Variants in OVGP1 observed in about 807,000 individuals in gnomAD.
OVGP1 encodes the protein oviduct-specific glycoprotein.
In OVGP1, 26 loss-of-function variants were observed where a neutral mutation model predicts 48.2. That is an observed-to-expected ratio of 0.54 (90% CI 0.40 to 0.75). The LOEUF (loss-of-function observed/expected upper bound fraction) is 0.75, where lower values mean the gene tolerates loss of function less well. OVGP1 is among the 30% of genes least tolerant of loss of function. The pLI is 0.00. For missense variants in OVGP1, 791 were observed against 820.6 expected, an observed-to-expected ratio of 0.96 and a Z score of 0.44; for synonymous variants, 294 against 305.7, an observed-to-expected ratio of 0.96 and a Z score of 0.40.
chr1:111,422,954 G>A lies in OVGP1; in HGVS notation c.581C>T (p.Thr194Ile), dbSNP rs748353157. 5.0e-6 allele frequency: 8 copies of A among 1,614,192 alleles called. No homozygotes were observed. The Admixed American group carries it at 1.3e-4, about 27-fold the overall frequency. The change falls in exon 6 of 11, where the codon ACA becomes ATA. Residue 194 changes from threonine (T) to isoleucine (I), a missense_variant. Transcript: ENST00000369732. Reference sequence around the variant, plus strand: ...TCCTAGAAAGCGCACATCATAGGATGTTTGGACGATGTGTGGGACCCCAGA... The same window carrying A: ...TCCTAGAAAGCGCACATCATAGGATATTTGGACGATGTGTGGGACCCCAGA... ...AVSGVPHIVQ[T>I]SYDVRFLGRL...
chr1:111,426,332 G>T (rs923532865), intron 3 of OVGP1, 105 bp downstream of exon 3: 16 of 1,510,318 alleles, frequency 1.1e-5, no homozygotes, highest in Non-Finnish European at 9.9e-6. Flanking sequence ...AGGAAGGTAG[G>T]ACTGGAAGAA....
At chr1:111,425,730 T>C (rs1652383441) in intron 3 of OVGP1, among the ~76,000 whole-genome samples, 2 of 152,142 alleles carry the variant, frequency 1.3e-5, no homozygotes, top group Admixed American at 1.3e-4. Flanking sequence ...AAAAGAGCAG[T>C]CTAAAATGTT....
At chr1:111,421,194 C>A in intron 8 of OVGP1, 82 bp downstream of exon 8, 2 of 1,305,258 alleles carry the variant, frequency 1.5e-6, no homozygotes, top group Admixed American at 2.3e-5. Flanking sequence ...CTCACCCTTG[C>A]CATTGCCCCT....
chr1:111,414,834 G>A lies in OVGP1; in HGVS notation c.1667C>T (p.Thr556Ile), dbSNP rs1232782193. The change falls in exon 11 of 11, where the codon ACC (threonine) becomes ATC (isoleucine). Residue 556 changes from threonine (T) to isoleucine (I), a missense_variant. Coordinates refer to ENST00000369732, the MANE Select transcript of OVGP1 (RefSeq NM_002557.4). ...TMTPVHFQTE[T>I]LRQNTVAPRR... is the part of the protein sequence containing the mutation. ...AGGGGCCACTGTATTCTGTCTAAGGGTCTCAGTCTGAAAATGGACAGGGGT... is the reference window on the plus strand; with the variant it reads ...AGGGGCCACTGTATTCTGTCTAAGGATCTCAGTCTGAAAATGGACAGGGGT... 2 of 1,594,242 alleles carry A rather than the reference G, an allele frequency of 1.3e-6. No homozygotes were observed. Among genetic ancestry groups the A allele is most frequent in the Non-Finnish European group, 1.7e-6 (2 of 1,166,964 alleles).
At chr1:111,426,291 A>G in intron 3 of OVGP1, 146 bp downstream of exon 3, 1 of 1,070,828 alleles carries the variant, frequency 9.3e-7, no homozygotes, top group Non-Finnish European at 1.3e-6. Flanking sequence ...AGGAGTTCTC[A>G]AGTTGGGGGT....
At chr1:111,422,318 G>A (rs746168503) in intron 6 of OVGP1, among the ~76,000 whole-genome samples, 20 of 152,116 alleles carry the variant, frequency 1.3e-4, no homozygotes, top group Non-Finnish European at 2.9e-4. Context: ...CAATTCTCTA[G>A]CACACTCATA....
chr1:111,424,434 T>C (rs1193021835), intron 4 of OVGP1, among the ~76,000 whole-genome samples: 1 of 152,226 alleles, frequency 6.6e-6, no homozygotes, highest in Non-Finnish European at 1.5e-5. Flanking sequence ...CATAAATAGA[T>C]CTGGGTTCCA....
Position 111,427,102 on chromosome 1 carries a change from CAAAG to C in OVGP1, c.26-15_26-12del, listed in dbSNP as rs1652418912. 1 of 1,614,046 alleles carries C rather than the reference CAAAG, an allele frequency of 6.2e-7. No homozygotes were observed. Among genetic ancestry groups the C allele is most frequent in the Non-Finnish European group, 8.5e-7 (1 of 1,179,994 alleles). On this transcript the variant is annotated splice_polypyrimidine_tract_variant and intron_variant, in intron 1 of 10. Coordinates refer to ENST00000369732, the MANE Select transcript of OVGP1 (RefSeq NM_002557.4). The stretch of plus-strand genomic sequence containing the variant: ...GCACAAGAACCAGCCCTGTGAGAAA[CAAAG>C]GAAGGAGTCACACAGAGATTCATAC...
rs140233617 is a variant in OVGP1, at chr1:111,415,978, A to C, written c.1156+345T>G. Among the ~76,000 whole-genome samples the C allele has an allele frequency of 3.7e-3, 567 of 152,344 alleles. 1 individual carries two copies. Among genetic ancestry groups the C allele is most frequent in the Non-Finnish European group, 6.4e-3 (438 of 68,034 alleles). Reference sequence around the variant, plus strand: ...CAAAAAGAGATATCAAAAGAAACCTAATTCCCTCAGCCCTTGCCCATGAGA... The same window carrying C: ...CAAAAAGAGATATCAAAAGAAACCTCATTCCCTCAGCCCTTGCCCATGAGA... On this transcript the variant is annotated intron_variant, in intron 10 of 10. Coordinates refer to ENST00000369732, the MANE Select transcript of OVGP1 (RefSeq NM_002557.4).
In OVGP1 at chr1:111,416,285, C is replaced by A. The variant is rs776670024; in HGVS notation, c.1156+38G>T. 12 of 1,525,298 alleles carry A rather than the reference C, an allele frequency of 7.9e-6. 1 individual carries two copies. The Admixed American group carries it at 2.2e-4, about 28-fold the overall frequency. 94.5% of individuals were successfully genotyped at this position (1,525,298 alleles called of 1,614,324 possible). ...GGGCCTTACCCAGTGCTTGGTTATG[C>A]AACTTCCAACCCCAGCTTCTAGGTC... On this transcript the variant is annotated intron_variant, in intron 10 of 10. Transcript: ENST00000369732.
intron 5 of OVGP1, 105 bp downstream of exon 5, chr1:111,423,438 C>T: frequency 2.5e-6 from 3 of 1,209,912 alleles, no homozygotes; most frequent in African/African-American, 1.5e-5. Context: ...ATTCTGTCAC[C>T]CTCTTCTGCC....
chr1:111,426,680 G>A (rs1331506829), intron 2 of OVGP1, 39 bp from the exon 3 acceptor site: 1 of 1,596,694 alleles, frequency 6.3e-7, no homozygotes, highest in African/African-American at 1.3e-5. Flanking sequence ...CAAAAACCAA[G>A]GGAGGGGATG....
chr1:111,418,114 C>A (rs1158760072), intron 9 of OVGP1, among the ~76,000 whole-genome samples: 1 of 152,192 alleles, frequency 6.6e-6, no homozygotes, highest in Non-Finnish European at 1.5e-5. Context: ...CAACAATAAT[C>A]CCCAAGGTCT....
At chr1:111,421,695 G>C (rs1652275587) in intron 6 of OVGP1, 22 bp from the exon 7 acceptor site, 1 of 1,451,722 alleles carries the variant, frequency 6.9e-7, no homozygotes, top group African/African-American at 1.4e-5. Context: ...AGGAGGAAGA[G>C]ATATAAAGAC....
In OVGP1 at chr1:111,414,384, G is replaced by C; in HGVS notation, c.*80C>G. The C allele has an allele frequency of 7.7e-7, 1 of 1,302,110 alleles. No individual in the cohort carries two copies. Among genetic ancestry groups the C allele is most frequent in the Non-Finnish European group, 1.1e-6 (1 of 947,816 alleles). 80.7% of individuals were successfully genotyped at this position (1,302,110 alleles called of 1,614,324 possible). A position where few individuals can be genotyped will look rare whatever the true frequency, so the allele number is the denominator to read the frequency against. Reference sequence around the variant, plus strand: ...CTATTCTGGTTTTGATGCCTGCTTTGCCCCGGGATGAGAAGGCTTCCAACA... The same window carrying C: ...CTATTCTGGTTTTGATGCCTGCTTTCCCCCGGGATGAGAAGGCTTCCAACA... On this transcript the variant is annotated 3_prime_UTR_variant, in exon 11 of 11. Coordinates refer to ENST00000369732, the MANE Select transcript of OVGP1 (RefSeq NM_002557.4).
rs1652430056 is a variant in OVGP1 at position 111,427,660 on chromosome 1, T to C, written c.25+37A>G. ...CGAACTCATAAAGCCTGGCACTTCC[T>C]GGACTGAGTGACACTGCTGGGACCT... On this transcript the variant is annotated intron_variant, in intron 1 of 10. Transcript: ENST00000369732. The C allele has an allele frequency of 1.9e-6, 3 of 1,611,528 alleles. No individual in the cohort carries two copies. The East Asian group carries it at 6.7e-5, about 36-fold the overall frequency.
intron 4 of OVGP1, 43 bp from the exon 5 acceptor site, chr1:111,423,751 A>G (rs374782610): frequency 5.6e-5 from 89 of 1,584,722 alleles, no homozygotes; most frequent in Non-Finnish European, 7.2e-5. Context: ...CTATCCACAG[A>G]ATCACAACCT....
intron 8 of OVGP1, 58 bp downstream of exon 8, chr1:111,421,218 G>T: frequency 6.7e-7 from 1 of 1,503,242 alleles, no homozygotes; most frequent in Non-Finnish European, 9.0e-7. Context: ...CCTGGCCTTT[G>T]CTCCAGCTGG....
In OVGP1 at chr1:111,422,980, AACAGCAGCAG is replaced by A. The variant is rs746571392; in HGVS notation, c.545_554del (p.Ser182PhefsTer17). 1 of 1,614,184 alleles carries A rather than the reference AACAGCAGCAG, an allele frequency of 6.2e-7. No homozygotes were observed. Among genetic ancestry groups the A allele is most frequent in the Non-Finnish European group, 8.5e-7 (1 of 1,180,024 alleles). On this transcript the variant is annotated frameshift_variant, in exon 6 of 11. Transcript: ENST00000369732. LOFTEE classifies it high-confidence loss of function. ...TTTGGACGATGTGTGGGACCCCAGA[AACAGCAGCAG>A]ACAGCAGCAGCCTCGGGCGCATGGT...
Sources: allele counts gnomAD v4.1 joint callset (sites outside exome capture counted in the v4.1 genomes callset), GRCh38; gene constraint gnomAD v4.1.1; transcripts MANE v1.5; gene names NCBI Gene and HGNC (gene_info 2026-07-23, HGNC 2026-07-21).